The following LIMS2 variants were observed in gnomAD, a reference collection of about 807,000 sequenced individuals.
LIMS2 encodes the protein LIM and senescent cell antigen-like-containing domain protein 2.
LIMS2 carries 30 observed loss-of-function variants against 45.3 expected under a neutral mutation model. That is an observed-to-expected ratio of 0.66 (90% CI 0.50 to 0.90). The LOEUF is 0.90. Ranked by LOEUF, LIMS2 falls within the 40% of genes least tolerant of loss-of-function variation. The probability of loss-of-function intolerance (pLI) is 0.00; values close to 1 mark genes in which losing one functional copy is unlikely to be tolerated. For synonymous variants in LIMS2, 173 were observed against 188.0 expected (o/e 0.92, Z 0.65); for missense variants, 485 against 468.7 (o/e 1.03, Z -0.32).
chr2:127,657,500 G>A lies in LIMS2; in HGVS notation c.74C>T (p.Ala25Val). ...CQRCQARFSP[A>V]ERIVNSNGEL... ...CCCATTGCTGTTGACAATGCGCTCG[G>A]CGGGGGAGAAGCGGGCCTGGCAGCG... Residue 25 changes from alanine to valine, a missense_variant, in exon 2 of 10, where the codon GCC becomes GTC. Ala to Val is a moderately conservative substitution (Grantham distance 64). Coordinates refer to ENST00000355119, the MANE Select transcript of LIMS2 (RefSeq NM_001161403.3). 1.2e-6 allele frequency: 2 copies of A among 1,613,348 alleles called. No individual in the cohort carries two copies. Among genetic ancestry groups the A allele is most frequent in the South Asian group, 2.2e-5 (2 of 91,066 alleles).
intron 1 of LIMS2, chr2:127,681,208 A>C (rs1416665649): frequency 2.0e-5 from 3 of 152,254 alleles, no homozygotes; most frequent in Admixed American, 6.5e-5. Flanking sequence ...CTTGACCCCA[A>C]ATGAGCAACA....
rs1292217178 is a variant in LIMS2, at chr2:127,671,432, CAAA to C, written c.11+3579_11+3581del. The stretch of plus-strand genomic sequence containing the variant: ...TGGGTGACAGAGCGAGACTCCATCT[CAAA>C]AAAAAAAAAAAGAGCCTGCATGCGG... On this transcript the variant is annotated intron_variant, in intron 1 of 9. Transcript: ENST00000355119. This position sits in a 1 kb window ranked among gnomAD's most constrained non-coding sequence, Gnocchi z 4.1. Among the ~76,000 whole-genome samples the C allele has an allele frequency of 8.9e-6, 1 of 112,972 alleles. No homozygotes were observed. The highest frequency in any genetic ancestry group is 9.6e-5 in the Admixed American group (1 of 10,384). The allele number at this position is 112,972 out of a possible 152,430, so 74.1% of individuals were successfully genotyped here. A position where few individuals can be genotyped will look rare whatever the true frequency, so the allele number is the denominator to read the frequency against.
At chr2:127,639,740 C>T (rs1437931894) in intron 9 of LIMS2, among the ~76,000 whole-genome samples, 1 of 152,228 alleles carries the variant, frequency 6.6e-6, no homozygotes, top group African/African-American at 2.4e-5. Context: ...TCGAGGCTTC[C>T]TGGATGAGCA....
intron 4 of LIMS2, chr2:127,649,834 C>G (rs1047851966): frequency 3.3e-6 from 2 of 605,138 alleles, no homozygotes; most frequent in African/African-American, 3.7e-5. Flanking sequence ...TCTGGGGCTG[C>G]AGATCCGTCC....
intron 4 of LIMS2, chr2:127,643,430 G>A (rs917184300): frequency 6.5e-5 from 30 of 460,348 alleles, no homozygotes; most frequent in South Asian, 2.8e-4. Context: ...TAACACACAC[G>A]AGTTATAATG....
chr2:127,655,339 G>T, intron 2 of LIMS2: 1 of 211,972 alleles, frequency 4.7e-6, no homozygotes, highest in Non-Finnish European at 9.7e-6. Context: ...AGAAGGAAGG[G>T]AACGCAGGAA....
rs1219680418 is a variant in LIMS2 at position 127,641,804 on chromosome 2, G to A, written c.660+245C>T. 8 of 472,458 alleles carry A rather than the reference G, an allele frequency of 1.7e-5. No individual in the cohort carries two copies. The East Asian group carries it at 2.5e-4, about 15-fold the overall frequency. 29.3% of individuals were successfully genotyped at this position (472,458 alleles called of 1,614,324 possible). A position where few individuals can be genotyped will look rare whatever the true frequency, so the allele number is the denominator to read the frequency against. Reference sequence around the variant, plus strand: ...CTTGGAGTCTCTTAGAATGCCAGCAGGGGGAAGAGGAGAGGTGGGCACAGC... The same window carrying A: ...CTTGGAGTCTCTTAGAATGCCAGCAAGGGGAAGAGGAGAGGTGGGCACAGC... On this transcript the variant is annotated intron_variant, in intron 6 of 9. Transcript: ENST00000355119.
Position 127,664,446 on chromosome 2 carries a change from G to A in LIMS2, c.12-6884C>T. On this transcript the variant is annotated intron_variant, in intron 1 of 9. Transcript: ENST00000355119. This position sits in a 1 kb window ranked among gnomAD's most constrained non-coding sequence, Gnocchi z 5.5. ...CGGGCCGCCTGGTGCAGGGGCTATG[G>A]GACCACCTCGGAGGGGAGGCGCGGC... The A allele has an allele frequency of 8.4e-7, 1 of 1,187,654 alleles. No homozygotes were observed. Among genetic ancestry groups the A allele is most frequent in the East Asian group, 3.6e-5 (1 of 27,456 alleles). 73.6% of individuals were successfully genotyped at this position (1,187,654 alleles called of 1,614,324 possible).
intron 4 of LIMS2, chr2:127,648,273 G>A: frequency 1.1e-6 from 1 of 874,762 alleles, no homozygotes; most frequent in Non-Finnish European, 1.4e-6. Flanking sequence ...TGAAGCCGGG[G>A]GCAATCTTTT....
At chr2:127,666,143 C>T (rs1573841169) in intron 1 of LIMS2, among the ~76,000 whole-genome samples, 1 of 152,078 alleles carries the variant, frequency 6.6e-6, no homozygotes, top group Non-Finnish European at 1.5e-5. Context: ...AAGTATTATA[C>T]ACCATGACCA....
intron 4 of LIMS2, among the ~76,000 whole-genome samples, chr2:127,645,066 AAAAC>A (rs1682817854): frequency 6.6e-6 from 1 of 152,240 alleles, no homozygotes; most frequent in African/African-American, 2.4e-5. Flanking sequence ...ATGCAGCAGA[AAAAC>A]AAAACACACA....
chr2:127,644,246 G>A (rs1359774327), intron 4 of LIMS2: 3 of 377,118 alleles, frequency 8.0e-6, no homozygotes, highest in Admixed American at 3.0e-5. Context: ...CCAGCAGGGG[G>A]CAACAGCTCA....
rs2105237623 is a variant in LIMS2, at chr2:127,647,191, T to C, written c.360-4119A>G. 6.6e-6 allele frequency among the ~76,000 whole-genome samples: 1 copy of C among 152,320 alleles called. No homozygotes were observed. The highest frequency in any genetic ancestry group is 2.1e-4 in the South Asian group (1 of 4,826). The stretch of plus-strand genomic sequence containing the variant: ...AACTCTTCCTTTTTGAGCAAGGGGC[T>C]GCACATTCTCATTTCATACATGGGC... On this transcript the variant is annotated intron_variant, in intron 4 of 9. Transcript: ENST00000355119. The surrounding 1 kb of genome is among the most constrained non-coding windows in gnomAD (Gnocchi z 4.3).
chr2:127,641,258 A>G, intron 6 of LIMS2: 1 of 386,796 alleles, frequency 2.6e-6, no homozygotes, highest in Non-Finnish European at 4.8e-6. Flanking sequence ...CACTGATGGT[A>G]ACCTTGTGAG....
intron 4 of LIMS2, among the ~76,000 whole-genome samples, chr2:127,646,992 G>A (rs540154674): frequency 6.6e-6 from 1 of 152,160 alleles, no homozygotes; most frequent in African/African-American, 2.4e-5. Flanking sequence ...CAGTCCCAGA[G>A]AGAGCGAGGG....
At position 127,675,010 on chromosome 2, in the gene LIMS2, T is replaced by G; in HGVS notation, c.11+4A>C. The G allele has an allele frequency of 4.1e-6, 5 of 1,229,540 alleles. No homozygotes were observed. Among genetic ancestry groups the G allele is most frequent in the Non-Finnish European group, 5.1e-6 (5 of 985,482 alleles). 76.2% of individuals were successfully genotyped at this position (1,229,540 alleles called of 1,614,324 possible). A position where few individuals can be genotyped will look rare whatever the true frequency, so the allele number is the denominator to read the frequency against. ...GGCCCGGGGGCGTGGGTGGGGGCCG[T>G]TACCTTCCCGTCATGGTGGCAGCGA... is the stretch of plus-strand genomic sequence containing the variant. On this transcript the variant is annotated splice_donor_region_variant and intron_variant, in intron 1 of 9. Transcript: ENST00000355119.
intron 4 of LIMS2, among the ~76,000 whole-genome samples, chr2:127,649,078 G>GAAA (rs1683366204): frequency 1.8e-5 from 2 of 110,326 alleles, no homozygotes; most frequent in African/African-American, 6.4e-5. Context: ...GAAGGAAAAA[G>GAAA]AAAAGAAAAA....
rs1684148003 is a variant in LIMS2, at chr2:127,654,878, A to G, written c.190T>C (p.Cys64Arg). The G allele has an allele frequency of 1.2e-6, 2 of 1,614,154 alleles. No individual in the cohort carries two copies. The highest frequency in any genetic ancestry group is 2.2e-5 in the East Asian group (1 of 44,882). The change falls in exon 3 of 10, where the codon TGC (cysteine) becomes CGC (arginine). Residue 64 changes from cysteine to arginine, a missense_variant. Cys to Arg is a radical substitution (Grantham distance 180, BLOSUM62 -3). Coordinates refer to ENST00000355119, the MANE Select transcript of LIMS2 (RefSeq NM_001161403.3). ...LFYEFEGRKY[C>R]EHDFQMLFAP... ...AACAGCATTTGGAAGTCGTGTTCGC[A>G]GTACTTCCGGCCTTCAAACTGCAAA...
chr2:127,666,804 A>G (rs975765823), intron 1 of LIMS2, among the ~76,000 whole-genome samples: 1 of 152,174 alleles, frequency 6.6e-6, no homozygotes, highest in Non-Finnish European at 1.5e-5. Context: ...AGGAAGAAAT[A>G]CCAAGCAAAG....
Sources: gnomAD v4.1 joint callset for allele counts (sites outside exome capture counted in the v4.1 genomes callset) on GRCh38, gnomAD v4.1.1 for gene constraint, Gnocchi (gnomAD v3.1) non-coding constraint, MANE v1.5 for transcripts, NCBI Gene and HGNC (gene_info 2026-07-23, HGNC 2026-07-21) for gene names.